Variants in B3GALT1 observed in about 807,000 individuals in gnomAD.
The protein encoded by B3GALT1 is UDP-Gal:betaGlcNAc beta 1,3-galactosyltransferase, polypeptide 1.
B3GALT1 carries 10 observed loss-of-function variants against 23.2 expected under a neutral mutation model. The ratio of observed to expected loss-of-function variants is 0.43; its 90% CI spans 0.27 to 0.73. The LOEUF is 0.73. Ranked by LOEUF, B3GALT1 falls within the 30% of genes least tolerant of loss-of-function variation. B3GALT1 has a pLI of 0.21. For missense variants in B3GALT1, 299 were observed against 405.4 expected (o/e 0.74, Z 2.25); for synonymous variants, 156 against 141.5 (o/e 1.10, Z -0.73).
chr2:167,351,760 C>T (rs893230275), intron 1 of B3GALT1, among the ~76,000 whole-genome samples: 3 of 152,112 alleles, frequency 2.0e-5, no homozygotes, highest in Admixed American at 1.3e-4. Flanking sequence ...TCTTACTTTT[C>T]GTGCCTCCCT....
At chr2:167,596,661 A>C (rs1684778913) in intron 2 of B3GALT1, among the ~76,000 whole-genome samples, 1 of 150,914 alleles carries the variant, frequency 6.6e-6, no homozygotes, top group Non-Finnish European at 1.5e-5. Context: ...GTAATATAAA[A>C]ATAGAGGATT....
intron 3 of B3GALT1, among the ~76,000 whole-genome samples, chr2:167,735,699 T>C (rs546480300): frequency 3.3e-5 from 5 of 152,338 alleles, no homozygotes; most frequent in African/African-American, 1.2e-4. Context: ...TGCATAATGA[T>C]TCATTGAACC....
At chr2:167,351,314 A>G (rs531841633) in intron 1 of B3GALT1, among the ~76,000 whole-genome samples, 3 of 152,170 alleles carry the variant, frequency 2.0e-5, no homozygotes, top group African/African-American at 4.8e-5. Context: ...CACAAAAACA[A>G]AAAAATGTCA....
chr2:167,827,382 C>T (rs1413557289), intron 4 of B3GALT1, among the ~76,000 whole-genome samples: 1 of 152,194 alleles, frequency 6.6e-6, no homozygotes. Flanking sequence ...AGCACACGGT[C>T]AGTTGGAAAT....
chr2:167,823,013 G>A (rs946359938), intron 4 of B3GALT1, among the ~76,000 whole-genome samples: 5 of 152,146 alleles, frequency 3.3e-5, no homozygotes, highest in East Asian at 3.9e-4. Flanking sequence ...TGCAAAATGA[G>A]TAGAAGTGAC....
chr2:167,710,948 G>C (rs558235670), intron 3 of B3GALT1, among the ~76,000 whole-genome samples: 2 of 152,130 alleles, frequency 1.3e-5, no homozygotes, highest in Admixed American at 1.3e-4. Flanking sequence ...TAGTGGCCCT[G>C]TGTAAAGCCC....
At chr2:167,451,084 C>T (rs762273069) in intron 1 of B3GALT1, among the ~76,000 whole-genome samples, 64 of 151,358 alleles carry the variant, frequency 4.2e-4, no homozygotes, top group Non-Finnish European at 6.3e-4. Context: ...GAAGATTTCT[C>T]CCCTCATTTC....
chr2:167,382,171 G>A (rs1365169360), intron 1 of B3GALT1, among the ~76,000 whole-genome samples: 2 of 152,100 alleles, frequency 1.3e-5, no homozygotes, highest in Non-Finnish European at 2.9e-5. Context: ...TATAATGTCC[G>A]TGATTCCACC....
At chr2:167,308,409 A>G (rs1426761177) in intron 1 of B3GALT1, among the ~76,000 whole-genome samples, 1 of 152,018 alleles carries the variant, frequency 6.6e-6, no homozygotes, top group Non-Finnish European at 1.5e-5. Context: ...TTTCTTAGAC[A>G]TCGACTGTAA....
At chr2:167,345,735 T>A (rs1177172819) in intron 1 of B3GALT1, among the ~76,000 whole-genome samples, 1 of 152,108 alleles carries the variant, frequency 6.6e-6, no homozygotes, top group African/African-American at 2.4e-5. Context: ...AGTAGAGACA[T>A]GTGATCTGTT....
chr2:167,582,244 A>G (rs982945963), intron 2 of B3GALT1, among the ~76,000 whole-genome samples: 1 of 152,150 alleles, frequency 6.6e-6, no homozygotes, highest in Non-Finnish European at 1.5e-5. Flanking sequence ...ATTCTCTTCA[A>G]ACTCACCCTG....
intron 3 of B3GALT1, among the ~76,000 whole-genome samples, chr2:167,700,680 A>C (rs1447881781): frequency 6.6e-6 from 1 of 152,214 alleles, no homozygotes; most frequent in African/African-American, 2.4e-5. Flanking sequence ...ACAGTCAAAA[A>C]AAAGAAAGAG....
At chr2:167,633,871 C>A (rs1685503101) in intron 2 of B3GALT1, among the ~76,000 whole-genome samples, 2 of 152,252 alleles carry the variant, frequency 1.3e-5, no homozygotes, top group East Asian at 3.9e-4. Context: ...GAACTCTCCA[C>A]CTCAGATGAA....
intron 4 of B3GALT1, among the ~76,000 whole-genome samples, chr2:167,835,476 G>C (rs1252485089): frequency 2.0e-5 from 3 of 152,226 alleles, no homozygotes; most frequent in Non-Finnish European, 4.4e-5. Context: ...AGCGAGGCTG[G>C]GGGAGGGGCA....
intron 2 of B3GALT1, among the ~76,000 whole-genome samples, chr2:167,535,684 A>G (rs1574124315): frequency 6.6e-6 from 1 of 152,260 alleles, no homozygotes; most frequent in Non-Finnish European, 1.5e-5. Context: ...AATGGCTGGC[A>G]TTAATTACAT....
chr2:167,709,141 A>G lies in B3GALT1; in HGVS notation c.-352+62175A>G, dbSNP rs184394916. Among the ~76,000 whole-genome samples, 595 of 152,334 alleles carry G rather than the reference A, an allele frequency of 3.9e-3. 4 individuals carry two copies. Among genetic ancestry groups the G allele is most frequent in the Non-Finnish European group, 6.8e-3 (464 of 68,032 alleles). ...GCAGACTGAGAGGCTGCTCATCAACAGGGCAAGTACCTGGTGATGTGTGCT... is the reference window on the plus strand; with the variant it reads ...GCAGACTGAGAGGCTGCTCATCAACGGGGCAAGTACCTGGTGATGTGTGCT... On this transcript the variant is annotated intron_variant, in intron 3 of 4. Transcript: ENST00000392690.
chr2:167,621,484 C>T (rs1685257306), intron 2 of B3GALT1, among the ~76,000 whole-genome samples: 1 of 152,050 alleles, frequency 6.6e-6, no homozygotes, highest in African/African-American at 2.4e-5. Context: ...TGCCACTAAT[C>T]ATAAGACTTT....
chr2:167,347,221 G>A (rs1298812357), intron 1 of B3GALT1, among the ~76,000 whole-genome samples: 2 of 152,024 alleles, frequency 1.3e-5, no homozygotes, highest in African/African-American at 2.4e-5. Context: ...GTCATCCCAG[G>A]TAGGTTATTA....
At chr2:167,862,519 C>T (rs565211960) in intron 4 of B3GALT1, among the ~76,000 whole-genome samples, 4 of 152,304 alleles carry the variant, frequency 2.6e-5, no homozygotes, top group African/African-American at 9.6e-5. Flanking sequence ...AAATGCTAAT[C>T]TTTGCCAGAA....
Sources: gnomAD v4.1 joint callset for allele counts (sites outside exome capture counted in the v4.1 genomes callset) on GRCh38, gnomAD v4.1.1 for gene constraint, MANE v1.5 for transcripts, NCBI Gene and HGNC (gene_info 2026-07-23, HGNC 2026-07-21) for gene names.